Variants in POU2F2 observed in about 807,000 individuals in gnomAD.
POU2F2 encodes POU class 2 homeobox 2, also known as POU domain, class 2, transcription factor 2.
In POU2F2, 14 loss-of-function variants were observed where a neutral mutation model predicts 63.5. The observed-to-expected ratio is 0.22, with a 90% CI of 0.15 to 0.34. The LOEUF (loss-of-function observed/expected upper bound fraction) is 0.34, where lower values mean the gene tolerates loss of function less well. Among genes scored for constraint, POU2F2 ranks in the 10% least tolerant of loss-of-function variants. POU2F2 has a pLI of 1.00. For synonymous variants in POU2F2, 306 were observed against 348.6 expected, an observed-to-expected ratio of 0.88 and a Z score of 1.36; for missense variants, 607 against 815.2, an observed-to-expected ratio of 0.74 and a Z score of 3.11.
intron 14 of POU2F2, 66 bp from the exon 15 acceptor site, chr19:42,091,657 C>T (rs930752839): frequency 6.5e-7 from 1 of 1,547,500 alleles, no homozygotes; most frequent in African/African-American, 1.4e-5. Flanking sequence ...TGCCTTCCAG[C>T]ATCCTGCCCA....
intron 2 of POU2F2, among the ~76,000 whole-genome samples, chr19:42,137,500 T>C (rs982398268): frequency 1.3e-5 from 2 of 151,106 alleles, no homozygotes; most frequent in African/African-American, 4.9e-5. Flanking sequence ...GGTGGGAGAG[T>C]TGCTTGACAC....
At chr19:42,110,805 T>G (rs1490945203) in intron 5 of POU2F2, 1 of 452,822 alleles carries the variant, frequency 2.2e-6, no homozygotes, top group Middle Eastern at 3.3e-4. Flanking sequence ...TTTAGCCTGA[T>G]TCCTCTTCAC....
intron 7 of POU2F2, among the ~76,000 whole-genome samples, chr19:42,097,438 C>A (rs1345087856): frequency 6.6e-6 from 1 of 151,660 alleles, no homozygotes; most frequent in African/African-American, 2.4e-5. Flanking sequence ...CTCAGGTGAT[C>A]CACCCGCTTT....
chr19:42,176,193 C>T (rs1181374296), upstream of POU2F2, among the ~76,000 whole-genome samples: 3 of 152,140 alleles, frequency 2.0e-5, no homozygotes, highest in African/African-American at 7.2e-5. Context: ...CCCGCCCAGC[C>T]CGGGGAGCCT....
At chr19:42,100,695 G>A (rs1021513724) in intron 5 of POU2F2, among the ~76,000 whole-genome samples, 5 of 151,862 alleles carry the variant, frequency 3.3e-5, no homozygotes, top group Non-Finnish European at 5.9e-5. Context: ...AGGTTGCAGT[G>A]AGCCGAGATC....
intron 11 of POU2F2, 82 bp from the exon 12 acceptor site, chr19:42,093,977 C>T (rs956744477): frequency 1.3e-5 from 16 of 1,221,194 alleles, no homozygotes; most frequent in East Asian, 2.5e-5. Flanking sequence ...CCCACTCCTC[C>T]GTCCCAGGAT....
chr19:42,176,330 G>GT (rs947536847), upstream of POU2F2, among the ~76,000 whole-genome samples: 36 of 152,080 alleles, frequency 2.4e-4, 1 homozygote, highest in Middle Eastern at 3.4e-3. Flanking sequence ...TATTGGTATT[G>GT]TTTTTTTTCT....
intron 1 of POU2F2, among the ~76,000 whole-genome samples, chr19:42,181,654 T>G (rs542738973): frequency 6.6e-6 from 1 of 152,226 alleles, no homozygotes; most frequent in East Asian, 1.9e-4. Flanking sequence ...TGGCACAATC[T>G]CGGCTCTCTG....
chr19:42,110,977 C>G (rs2030992668), intron 5 of POU2F2, among the ~76,000 whole-genome samples: 1 of 152,170 alleles, frequency 6.6e-6, no homozygotes, highest in Non-Finnish European at 1.5e-5. Context: ...GAAATTACAA[C>G]ATATCCCTCA....
chr19:42,108,825 G>T (rs2030585955), intron 5 of POU2F2, among the ~76,000 whole-genome samples: 1 of 152,192 alleles, frequency 6.6e-6, no homozygotes, highest in South Asian at 2.1e-4. Flanking sequence ...GGCATATTTT[G>T]TAGATCAGCT....
At position 42,091,405 on chromosome 19, in the gene POU2F2, G is replaced by T. The variant is rs1568967305; in HGVS notation, c.1727C>A (p.Ala576Asp). The T allele has an allele frequency of 6.5e-7, 1 of 1,546,826 alleles. No homozygotes were observed. Among genetic ancestry groups the T allele is most frequent in the East Asian group, 2.4e-5 (1 of 40,912 alleles). ...CTTGCTGGAGATGGAGGCTGCCACA[G>T]CCGCAGCCGCTGCTGAGACCAGGCC... Reference protein sequence around the residue: ...GVGLVSAAAAAVAASISSKSP... With the variant: ...GVGLVSAAAADVAASISSKSP... Residue 576 changes from alanine (A) to aspartate (D), a missense_variant, in exon 15 of 15, where the codon GCT (alanine) becomes GAT (aspartate). Transcript: ENST00000692977.
intron 1 of POU2F2, chr19:42,123,273 G>C (rs1442006769): frequency 6.6e-6 from 1 of 152,320 alleles, no homozygotes; most frequent in Non-Finnish European, 1.5e-5. Context: ...CCTGATCTGG[G>C]ACTTCACGCT....
Position 42,095,141 on chromosome 19 carries a change from G to A in POU2F2, c.1197+145C>T. 1 of 1,054,078 alleles carries A rather than the reference G, an allele frequency of 9.5e-7. No homozygotes were observed. The highest frequency in any genetic ancestry group is 1.7e-5 in the South Asian group (1 of 59,440). The allele number at this position is 1,054,078 out of a possible 1,614,324, so 65.3% of individuals were successfully genotyped here. Reference sequence around the variant, plus strand: ...CCCTGGAAACCGTCCCTGTGTAACTGTGCCCATCTACGTGATGGCCTGTCT... The same window carrying A: ...CCCTGGAAACCGTCCCTGTGTAACTATGCCCATCTACGTGATGGCCTGTCT... On this transcript the variant is annotated intron_variant, in intron 11 of 14. Transcript: ENST00000692977. The surrounding 1 kb of genome is among the most constrained non-coding windows in gnomAD (Gnocchi z 7.1).
At chr19:42,196,091 G>A (rs971804677) in intron 1 of POU2F2, among the ~76,000 whole-genome samples, 8 of 152,084 alleles carry the variant, frequency 5.3e-5, no homozygotes, top group African/African-American at 1.9e-4. Flanking sequence ...GGGCGGTGGC[G>A]GTGGTGATTC....
chr19:42,095,307 C>A lies in POU2F2; in HGVS notation c.1176G>T (p.Pro392=). ...GTACCATATGGGGGCTGTAGCTGGC[C>A]GGCTTCCCTGGGCTGGGCAGCATGG... The part of the protein sequence containing the change: ...AAPMLPSPGK[P]ASYSPHMVTP... The change falls in exon 11 of 15, where the codon CCG becomes CCT. Residue 392 remains proline (P), a synonymous_variant. Transcript: ENST00000692977. The surrounding 1 kb of genome is among the most constrained non-coding windows in gnomAD (Gnocchi z 7.1). 8 of 1,613,568 alleles carry A rather than the reference C, an allele frequency of 5.0e-6. No individual in the cohort carries two copies. The highest frequency in any genetic ancestry group is 6.8e-6 in the Non-Finnish European group (8 of 1,179,910).
intron 2 of POU2F2, among the ~76,000 whole-genome samples, chr19:42,140,813 A>G (rs1335092773): frequency 6.6e-6 from 1 of 152,128 alleles, no homozygotes; most frequent in Non-Finnish European, 1.5e-5. Flanking sequence ...TTGATGCTTG[A>G]ACCTTACTTG....
At chr19:42,126,827 G>A (rs922599591) in intron 1 of POU2F2, among the ~76,000 whole-genome samples, 11 of 152,170 alleles carry the variant, frequency 7.2e-5, no homozygotes, top group Non-Finnish European at 1.2e-4. Flanking sequence ...AGCCCAGAAC[G>A]GGTTGTAACT....
Position 42,121,767 on chromosome 19 carries a change from G to GC in POU2F2, c.186+358dup, listed in dbSNP as rs933064283. Among the ~76,000 whole-genome samples, 3 of 152,178 alleles carry GC rather than the reference G, an allele frequency of 2.0e-5. No homozygotes were observed. The East Asian group carries it at 5.8e-4, about 29-fold the overall frequency. ...CTACAGCTATCCTCAACTGGTACCAGCCCCCCCACCCCCACCTCAGCTGGC... is the reference window on the plus strand; with the variant it reads ...CTACAGCTATCCTCAACTGGTACCAGCCCCCCCCACCCCCACCTCAGCTGGC... On this transcript the variant is annotated intron_variant, in intron 4 of 14. Transcript: ENST00000692977.
At chr19:42,127,002 G>A (rs2033259704) in intron 1 of POU2F2, among the ~76,000 whole-genome samples, 1 of 151,676 alleles carries the variant, frequency 6.6e-6, no homozygotes, top group Non-Finnish European at 1.5e-5. Context: ...CTGCAGCCTC[G>A]ACCTCCTGGG....
Sources: gnomAD v4.1 joint callset for allele counts (sites outside exome capture counted in the v4.1 genomes callset) on GRCh38, gnomAD v4.1.1 for gene constraint, Gnocchi (gnomAD v3.1) non-coding constraint, MANE v1.5 for transcripts, NCBI Gene and HGNC (gene_info 2026-07-23, HGNC 2026-07-21) for gene names.